The following SOX13 variants were observed in gnomAD, a reference collection of about 807,000 sequenced individuals.
SOX13 encodes SRY-box transcription factor 13, also known as transcription factor SOX-13.
SOX13 carries 28 observed loss-of-function variants against 71.8 expected under a neutral mutation model. The ratio of observed to expected loss-of-function variants is 0.39; its 90% confidence interval spans 0.29 to 0.53. SOX13 has a LOEUF of 0.53. Ranked by LOEUF, SOX13 falls within the 20% of genes least tolerant of loss-of-function variation. The pLI, the probability that SOX13 is intolerant of heterozygous loss-of-function variation, is 0.70. For synonymous variants in SOX13, 309 were observed against 317.8 expected (o/e 0.97, Z 0.29); for missense variants, 627 against 810.3 (o/e 0.77, Z 2.75).
intron 1 of SOX13, among the ~76,000 whole-genome samples, chr1:204,079,736 A>G (rs1655861210): frequency 6.6e-6 from 1 of 152,148 alleles, no homozygotes. Flanking sequence ...TGCTTTAGGA[A>G]TGCCCTGAGG....
In SOX13 at chr1:204,123,530, C is replaced by A; in HGVS notation, c.1232-131C>A. ...CCCCATCTGCTCCTGCCTTGCTCCT[C>A]CTCGGCTGGCTGCTGTGGGAGCCTC... On this transcript the variant is annotated intron_variant, in intron 11 of 13. Transcript: ENST00000367204. The surrounding 1 kb of genome is among the most constrained non-coding windows in gnomAD (Gnocchi z 5.0). The A allele has an allele frequency of 1.0e-6, 1 of 971,444 alleles. No individual in the cohort carries two copies. The highest frequency in any genetic ancestry group is 1.5e-6 in the Non-Finnish European group (1 of 666,772). 60.2% of individuals were successfully genotyped at this position (971,444 alleles called of 1,614,324 possible).
chr1:204,107,012 A>C (rs1352400159), intron 1 of SOX13, among the ~76,000 whole-genome samples: 2 of 152,176 alleles, frequency 1.3e-5, no homozygotes, highest in African/African-American at 4.8e-5. Flanking sequence ...TTACTTGCCC[A>C]AGGTTGCACA....
chr1:204,116,170 A>C, intron 4 of SOX13: 10 of 1,267,160 alleles, frequency 7.9e-6, no homozygotes, highest in Non-Finnish European at 1.0e-5. Flanking sequence ...CTCCGATGGG[A>C]TGGTTGTCCA....
rs1291890582 is a variant in SOX13, at chr1:204,122,329, T to C, written c.954T>C (p.Cys318=). The change falls in exon 9 of 14, where the codon TGT becomes TGC. Residue 318 remains cysteine, a synonymous_variant. Coordinates refer to ENST00000367204, the MANE Select transcript of SOX13 (RefSeq NM_005686.3). ...SSSPSLKMSS[C]VPRPPSHGGP... ...CCCCAAGCCTGAAGATGAGCAGCTG[T>C]GTGCCCCGCCCCCCCAGCCATGGAG... 1.3e-6 allele frequency: 2 copies of C among 1,566,678 alleles called. No homozygotes were observed. The highest frequency in any genetic ancestry group is 2.3e-5 in the South Asian group (2 of 85,502).
At position 204,081,992 on chromosome 1, in the gene SOX13, C is replaced by T. The variant is rs1391281748; in HGVS notation, c.-2+8281C>T. On this transcript the variant is annotated intron_variant, in intron 1 of 13. Transcript: ENST00000367204. This position sits in a 1 kb window ranked among gnomAD's most constrained non-coding sequence, Gnocchi z 4.3. ...CAGTGGGGCTTGAATAGGGCGCTGT[C>T]GAAAGCAGAGGGAGTGGCCCCTTCA... is the stretch of plus-strand genomic sequence containing the variant. Among the ~76,000 whole-genome samples the T allele has an allele frequency of 2.0e-5, 3 of 151,282 alleles. No individual in the cohort carries two copies. The highest frequency in any genetic ancestry group is 2.4e-5 in the African/African-American group (1 of 41,158).
chr1:204,094,311 G>A (rs1034973105), intron 1 of SOX13, among the ~76,000 whole-genome samples: 5 of 152,136 alleles, frequency 3.3e-5, no homozygotes, highest in African/African-American at 1.2e-4. Context: ...CACCGCACAC[G>A]CAGACCTCTC....
chr1:204,096,896 T>C (rs967592357), intron 1 of SOX13, among the ~76,000 whole-genome samples: 2 of 152,178 alleles, frequency 1.3e-5, no homozygotes, highest in Admixed American at 6.5e-5. Context: ...TTTTTGATAA[T>C]AGCCATCCTC....
In SOX13 at chr1:204,122,958, C is replaced by A; in HGVS notation, c.1129C>A (p.Arg377Ser). ...ALDGSPNTPF[R>S]KDLISLDSSP... ...GGATGGCTCCCCCAACACCCCCTTC[C>A]GTAAGGTATGGTCCCCCACTCCCTT... The change falls in exon 10 of 14, where the codon CGT becomes AGT. Residue 377 changes from arginine (R) to serine (S), a missense_variant. Arg to Ser is a moderately radical substitution (Grantham distance 110). Transcript: ENST00000367204. 2 of 1,582,600 alleles carry A rather than the reference C, an allele frequency of 1.3e-6. No individual in the cohort carries two copies. The highest frequency in any genetic ancestry group is 8.6e-7 in the Non-Finnish European group (1 of 1,160,054).
At chr1:204,111,656 G>A (rs1039534923) in intron 1 of SOX13, among the ~76,000 whole-genome samples, 6 of 152,100 alleles carry the variant, frequency 3.9e-5, no homozygotes, top group Admixed American at 2.6e-4. Context: ...GCTAGATACC[G>A]GAAAATATTT....
At chr1:204,115,491 TTAAAAAAAAAAA>T (rs1247883451) in intron 4 of SOX13, among the ~76,000 whole-genome samples, 2 of 95,812 alleles carry the variant, frequency 2.1e-5, no homozygotes, top group East Asian at 4.8e-4. Flanking sequence ...TTTTTTTTTT[TTAAAAAAAAAAA>T]AAAAAAAAAA....
intron 1 of SOX13, among the ~76,000 whole-genome samples, chr1:204,074,773 C>T (rs1223818254): frequency 6.6e-6 from 1 of 152,150 alleles, no homozygotes; most frequent in Non-Finnish European, 1.5e-5. Context: ...CGGGAGGACC[C>T]CGAGCGCTGG....
Position 204,114,591 on chromosome 1 carries a change from C to A in SOX13, c.404C>A (p.Ala135Asp). Residue 135 changes from alanine (A) to aspartate (D), a missense_variant, in exon 4 of 14, where the codon GCC becomes GAC. Coordinates refer to ENST00000367204, the MANE Select transcript of SOX13 (RefSeq NM_005686.3). The stretch of plus-strand genomic sequence containing the variant: ...TTTCTAGGAAGGAACTCTATGGAAG[C>A]CAAAGATGTCAAAGGTGAAGGCCTG... ...ERFLGRNSME[A>D]KDVKGTQESL... The A allele has an allele frequency of 6.2e-7, 1 of 1,612,674 alleles. No homozygotes were observed.
intron 1 of SOX13, among the ~76,000 whole-genome samples, chr1:204,112,440 CA>C (rs5780211): frequency 1.6e-4 from 23 of 139,734 alleles, no homozygotes; most frequent in East Asian, 4.2e-4. Context: ...GACTCTGTCT[CA>C]AAAAAAAAAA....
chr1:204,087,373 G>C (rs149735986), intron 1 of SOX13, among the ~76,000 whole-genome samples: 160 of 152,306 alleles, frequency 1.1e-3, no homozygotes, highest in African/African-American at 3.7e-3. Context: ...GGACCCTGCT[G>C]ACTCCATGGT....
chr1:204,123,677 C>T lies in SOX13; in HGVS notation c.1248C>T (p.Pro416=), dbSNP rs748328420. The T allele has an allele frequency of 2.5e-5, 40 of 1,613,812 alleles. No individual in the cohort carries two copies. The South Asian group carries it at 2.6e-4, about 11-fold the overall frequency. The change falls in exon 12 of 14, where the codon CCC becomes CCT. Residue 416 remains proline, a synonymous_variant. Coordinates refer to ENST00000367204, the MANE Select transcript of SOX13 (RefSeq NM_005686.3). This position sits in a 1 kb window ranked among gnomAD's most constrained non-coding sequence, Gnocchi z 5.0. ...SCDMDGSRHF[P]ESRNSSHIKR... ...GTCTCCCAGGCTCCCGCCACTTCCC[C>T]GAGTCCCGAAACAGCAGCCACATCA...
chr1:204,094,584 C>T (rs564625019), intron 1 of SOX13, among the ~76,000 whole-genome samples: 40 of 152,264 alleles, frequency 2.6e-4, no homozygotes, highest in Admixed American at 5.9e-4. Context: ...AAGGGATGCT[C>T]ATCTGTCTCC....
chr1:204,122,457 A>G lies in SOX13; in HGVS notation c.1024+58A>G, dbSNP rs904902310. Reference sequence around the variant, plus strand: ...GCCCTCTTAGGGGAGAGCCGGCGGCATGATGCGACCTTGAGCAGGTCCCTT... The same window carrying G: ...GCCCTCTTAGGGGAGAGCCGGCGGCGTGATGCGACCTTGAGCAGGTCCCTT... On this transcript the variant is annotated intron_variant, in intron 9 of 13. Coordinates refer to ENST00000367204, the MANE Select transcript of SOX13 (RefSeq NM_005686.3). 9.1e-6 allele frequency: 13 copies of G among 1,424,170 alleles called. No homozygotes were observed. In the South Asian group the frequency reaches 1.6e-4, roughly 18 times the overall value. 88.2% of individuals were successfully genotyped at this position (1,424,170 alleles called of 1,614,324 possible).
At chr1:204,093,099 G>A (rs959939310) in intron 1 of SOX13, among the ~76,000 whole-genome samples, 2 of 152,196 alleles carry the variant, frequency 1.3e-5, no homozygotes, top group Non-Finnish European at 2.9e-5. Flanking sequence ...TGTCCCAAGT[G>A]TATCAGCATA....
At chr1:204,111,026 G>A (rs1376289356) in intron 1 of SOX13, among the ~76,000 whole-genome samples, 1 of 152,172 alleles carries the variant, frequency 6.6e-6, no homozygotes, top group Non-Finnish European at 1.5e-5. Context: ...ATTTGTGGGA[G>A]GGACTTATGA....
Sources: gnomAD v4.1 joint callset for allele counts (sites outside exome capture counted in the v4.1 genomes callset) on GRCh38, gnomAD v4.1.1 for gene constraint, Gnocchi (gnomAD v3.1) non-coding constraint, MANE v1.5 for transcripts, NCBI Gene and HGNC (gene_info 2026-07-23, HGNC 2026-07-21) for gene names.